Variants in ERCC6 observed in about 807,000 individuals in gnomAD.
ERCC6 encodes the protein ERCC excision repair 6, chromatin remodeling factor.
ERCC6 carries 116 observed loss-of-function variants against 158.7 expected under a neutral mutation model. The ratio of observed to expected loss-of-function variants is 0.73; its 90% CI spans 0.63 to 0.85. The LOEUF is 0.85. Among genes scored for constraint, ERCC6 ranks in the 40% least tolerant of loss-of-function variants. The pLI is 0.00. For missense variants in ERCC6, 1,698 were observed against 1,799.4 expected (o/e 0.94, Z 1.02); for synonymous variants, 678 against 659.3 (o/e 1.03, Z -0.43).
rs547452910 is a variant in ERCC6 at position 49,496,468 on chromosome 10, T to A, written c.1686-3216A>T. 9.2e-5 allele frequency among the ~76,000 whole-genome samples: 14 copies of A among 152,312 alleles called. No individual in the cohort carries two copies. The South Asian group carries it at 2.7e-3, about 29-fold the overall frequency. On this transcript the variant is annotated intron_variant, in intron 7 of 20. Coordinates refer to ENST00000355832, the MANE Select transcript of ERCC6 (RefSeq NM_000124.4). ...TTCAGAGTTGGGGAATCATAAGTGA[T>A]TTTTGTTTTCTTACTAGAGCTCAGA...
chr10:49,500,937 AGATGG>A (rs1851346095), intron 6 of ERCC6: 1 of 513,036 alleles, frequency 1.9e-6, no homozygotes, highest in African/African-American at 1.9e-5. Context: ...TTAAACTGAT[AGATGG>A]GGTAATTAGA....
Position 49,470,249 on chromosome 10 carries a change from T to C in ERCC6, c.3711A>G (p.Glu1237=). 6.2e-7 allele frequency: 1 copy of C among 1,614,182 alleles called. No individual in the cohort carries two copies. Among genetic ancestry groups the C allele is most frequent in the Non-Finnish European group, 8.5e-7 (1 of 1,180,012 alleles). The change falls in exon 18 of 21, where the codon GAA becomes GAG. Residue 1237 remains glutamate (E), a synonymous_variant. Coordinates refer to ENST00000355832, the MANE Select transcript of ERCC6 (RefSeq NM_000124.4). The part of the protein sequence containing the change: ...KKRRYQKQDS[E]NKSEAKEQSN... The stretch of plus-strand genomic sequence containing the variant: ...TCTGTTCCTTGGCCTCACTCTTGTT[T>C]TCACTGTCTTGCTTCTGGTAACGCC...
chr10:49,531,325 A>T (rs1166051219), intron 2 of ERCC6, among the ~76,000 whole-genome samples: 1 of 133,340 alleles, frequency 7.5e-6, no homozygotes, highest in African/African-American at 2.5e-5. Context: ...CACTTACTAC[A>T]GCACTAAACT....
At chr10:49,533,572 C>T (rs1837523490) in intron 1 of ERCC6, among the ~76,000 whole-genome samples, 1 of 152,100 alleles carries the variant, frequency 6.6e-6, no homozygotes, top group Admixed American at 6.5e-5. Flanking sequence ...AGAGACCAGC[C>T]AGGGAAACAC....
At chr10:49,525,725 T>C (rs1837301043) in intron 4 of ERCC6, among the ~76,000 whole-genome samples, 1 of 150,858 alleles carries the variant, frequency 6.6e-6, no homozygotes, top group Non-Finnish European at 1.5e-5. Context: ...ACTCAGTGAA[T>C]ATTCAGAAAA....
chr10:49,501,533 CTAAAAA>C (rs1051642128), intron 6 of ERCC6: 4 of 151,784 alleles, frequency 2.6e-5, no homozygotes, highest in Non-Finnish European at 5.9e-5. Context: ...AATCTATAAC[CTAAAAA>C]TAAAGTTAAA....
rs192442654 is a variant in ERCC6 at position 49,469,442 on chromosome 10, A to G, written c.3778+740T>C. Among the ~76,000 whole-genome samples the G allele has an allele frequency of 2.2e-3, 339 of 152,340 alleles. 1 individual carries two copies. Among genetic ancestry groups the G allele is most frequent in the African/African-American group, 7.7e-3 (320 of 41,584 alleles). On this transcript the variant is annotated intron_variant, in intron 18 of 20. Transcript: ENST00000355832. The stretch of plus-strand genomic sequence containing the variant: ...AAAGCAAAAGCTGAAAAATGTTAAT[A>G]ACTTAGATAAAGGATATAGGAGAGT...
chr10:49,449,839 C>T (rs528867044), downstream of ERCC6, among the ~76,000 whole-genome samples: 10 of 151,738 alleles, frequency 6.6e-5, no homozygotes, highest in South Asian at 2.1e-4. Flanking sequence ...CGTGAGCCAC[C>T]GCGCCTGGCC....
intron 18 of ERCC6, among the ~76,000 whole-genome samples, chr10:49,465,803 G>A (rs1850665224): frequency 6.6e-6 from 1 of 152,214 alleles, no homozygotes; most frequent in Non-Finnish European, 1.5e-5. Flanking sequence ...CCCCAGTCAT[G>A]TGGAATTGTA....
chr10:49,535,042 G>A (rs3793786), intron 1 of ERCC6, among the ~76,000 whole-genome samples: 96,284 of 152,116 alleles, frequency 0.63, 32,442 homozygotes, highest in South Asian at 0.81. Flanking sequence ...GAAATATCAC[G>A]GAGGAACTGA....
At chr10:49,511,456 ACT>A (rs1836817138) in intron 5 of ERCC6, among the ~76,000 whole-genome samples, 1 of 147,502 alleles carries the variant, frequency 6.8e-6, no homozygotes, top group African/African-American at 2.5e-5. Flanking sequence ...ACAAAGTCTC[ACT>A]CTGTCACGTC....
At chr10:49,528,348 A>G in intron 4 of ERCC6, 69 bp downstream of exon 4, 5 of 1,562,454 alleles carry the variant, frequency 3.2e-6, no homozygotes, top group Non-Finnish European at 3.5e-6. Flanking sequence ...CTAAAGAGAC[A>G]CCCTCCACTG....
chr10:49,498,491 T>C (rs984513066), intron 7 of ERCC6, among the ~76,000 whole-genome samples: 2 of 152,176 alleles, frequency 1.3e-5, no homozygotes, highest in Non-Finnish European at 2.9e-5. Context: ...CCCTGGTACA[T>C]ATGAGCGGGG....
intron 5 of ERCC6, among the ~76,000 whole-genome samples, chr10:49,523,675 T>C (rs1837231250): frequency 6.6e-6 from 1 of 152,174 alleles, no homozygotes; most frequent in Non-Finnish European, 1.5e-5. Flanking sequence ...CCAGTATGCA[T>C]TAATTCACCC....
At position 49,533,617 on chromosome 10, in the gene ERCC6, GATA is replaced by G. The variant is rs145066095; in HGVS notation, c.-14-642_-14-640del. 6.4e-3 allele frequency among the ~76,000 whole-genome samples: 980 copies of G among 152,100 alleles called. 13 individuals carry two copies. Among genetic ancestry groups the G allele is most frequent in the African/African-American group, 0.021 (889 of 41,486 alleles). The stretch of plus-strand genomic sequence containing the variant: ...AGGACTTCGAGACCAGCCTGGGAAA[GATA>G]ATGAGACCTTGTCTCTACTAAAAAT... On this transcript the variant is annotated intron_variant, in intron 1 of 20. Coordinates refer to ENST00000355832, the MANE Select transcript of ERCC6 (RefSeq NM_000124.4).
At chr10:49,489,881 G>A (rs1851142354) in intron 8 of ERCC6, among the ~76,000 whole-genome samples, 1 of 152,162 alleles carries the variant, frequency 6.6e-6, no homozygotes, top group Non-Finnish European at 1.5e-5. Context: ...CAAGGAAAGA[G>A]TTGGCTTTTT....
chr10:49,490,113 A>T (rs1851147107), intron 8 of ERCC6, among the ~76,000 whole-genome samples: 1 of 152,212 alleles, frequency 6.6e-6, no homozygotes, highest in Admixed American at 6.5e-5. Context: ...CAGAAGCCTA[A>T]AAATTTCTTT....
At chr10:49,520,352 T>C (rs1837121779) in intron 5 of ERCC6, among the ~76,000 whole-genome samples, 1 of 152,184 alleles carries the variant, frequency 6.6e-6, no homozygotes, top group African/African-American at 2.4e-5. Context: ...CTCACTGTAG[T>C]CTGCGAGGGC....
chr10:49,468,697 C>T (rs1057498891), intron 18 of ERCC6, among the ~76,000 whole-genome samples: 2 of 152,106 alleles, frequency 1.3e-5, no homozygotes, highest in Non-Finnish European at 2.9e-5. Flanking sequence ...CTATTGGCTA[C>T]GAAAGCAATG....
Sources: allele counts gnomAD v4.1 joint callset (sites outside exome capture counted in the v4.1 genomes callset), GRCh38; gene constraint gnomAD v4.1.1; transcripts MANE v1.5; gene names NCBI Gene and HGNC (gene_info 2026-07-23, HGNC 2026-07-21).